ADAMTSL1: variants seen among roughly 807,000 people sequenced by gnomAD.
The protein encoded by ADAMTSL1 is ADAMTS like 1.
A neutral mutation model predicts 201.8 loss-of-function variants in ADAMTSL1; 126 were observed. The ratio of observed to expected loss-of-function variants is 0.62; its 90% CI spans 0.54 to 0.72. ADAMTSL1 has a LOEUF of 0.72. Ranked by LOEUF, ADAMTSL1 falls within the 30% of genes least tolerant of loss-of-function variation. The pLI is 0.00. For missense variants in ADAMTSL1, 2,679 were observed against 2,277.8 expected, an observed-to-expected ratio of 1.18 and a Z score of -3.59; for synonymous variants, 1,121 against 903.4, an observed-to-expected ratio of 1.24 and a Z score of -4.32.
chr9:18,206,142 C>A (rs1036219374), intron 2 of ADAMTSL1, among the ~76,000 whole-genome samples: 9 of 139,132 alleles, frequency 6.5e-5, no homozygotes, highest in African/African-American at 2.4e-4. Flanking sequence ...TTTATGTTAT[C>A]TTATTTTTCA....
chr9:18,351,103 C>T (rs1274124108), intron 2 of ADAMTSL1, among the ~76,000 whole-genome samples: 1 of 151,906 alleles, frequency 6.6e-6, no homozygotes, highest in Non-Finnish European at 1.5e-5. Context: ...AATAATCTGC[C>T]TGCCTAAACA....
intron 26 of ADAMTSL1, among the ~76,000 whole-genome samples, chr9:18,902,138 T>C (rs1830049445): frequency 6.6e-6 from 1 of 152,168 alleles, no homozygotes; most frequent in South Asian, 2.1e-4. Flanking sequence ...ACAGAATTGA[T>C]GGGAGAAATA....
At chr9:18,617,122 C>T (rs1336172084) in intron 4 of ADAMTSL1, among the ~76,000 whole-genome samples, 1 of 152,228 alleles carries the variant, frequency 6.6e-6, no homozygotes, top group African/African-American at 2.4e-5. Context: ...AAAAGCTTGA[C>T]ATCACTGGCT....
chr9:18,400,841 G>C (rs969652225), intron 2 of ADAMTSL1, among the ~76,000 whole-genome samples: 2 of 152,130 alleles, frequency 1.3e-5, no homozygotes, highest in African/African-American at 2.4e-5. Flanking sequence ...ATGACATTAG[G>C]TGATTCAATA....
intron 2 of ADAMTSL1, among the ~76,000 whole-genome samples, chr9:18,332,944 G>A (rs570540816): frequency 6.6e-6 from 1 of 152,230 alleles, no homozygotes; most frequent in African/African-American, 2.4e-5. Flanking sequence ...TCATCTGTAA[G>A]CGTATGAGGA....
At chr9:18,340,620 C>A (rs750551466) in intron 2 of ADAMTSL1, among the ~76,000 whole-genome samples, 1 of 152,062 alleles carries the variant, frequency 6.6e-6, no homozygotes, top group Non-Finnish European at 1.5e-5. Context: ...GTGGGAGGGA[C>A]CAGGTGGGAG....
intron 3 of ADAMTSL1, among the ~76,000 whole-genome samples, chr9:18,538,656 T>A (rs1819943623): frequency 1.3e-5 from 2 of 152,208 alleles, no homozygotes; most frequent in African/African-American, 4.8e-5. Context: ...TCATCCTTGC[T>A]GTACAATTGA....
intron 4 of ADAMTSL1, among the ~76,000 whole-genome samples, chr9:18,604,296 C>G (rs28736826): frequency 0.12 from 17,831 of 152,200 alleles, 1,218 homozygotes; most frequent in Non-Finnish European, 0.16. Context: ...GTTATTAGCA[C>G]AAAGCAAGGA....
At chr9:18,815,464 C>T (rs1255305645) in intron 20 of ADAMTSL1, among the ~76,000 whole-genome samples, 1 of 150,744 alleles carries the variant, frequency 6.6e-6, no homozygotes, top group Non-Finnish European at 1.5e-5. Context: ...GTGGGTGGAT[C>T]GCTTGAGCCC....
chr9:18,192,495 A>G (rs866165683), intron 2 of ADAMTSL1, among the ~76,000 whole-genome samples: 18 of 152,300 alleles, frequency 1.2e-4, no homozygotes, highest in African/African-American at 4.3e-4. Flanking sequence ...TGAGTGGAGT[A>G]TTAAGCTTGC....
intron 2 of ADAMTSL1, among the ~76,000 whole-genome samples, chr9:18,259,231 A>G (rs1006456391): frequency 6.6e-6 from 1 of 152,210 alleles, no homozygotes; most frequent in Non-Finnish European, 1.5e-5. Context: ...TGAAAGGCCC[A>G]TATAGCCAAC....
rs148987552 is a variant in ADAMTSL1 at position 18,044,538 on chromosome 9, A to G, written c.88-119324A>G. ...AGGGAAATACTAATAATCTACTCAG[A>G]TGATTGGATTGGCTTTTTATTTCTC... On this transcript the variant is annotated intron_variant, in intron 1 of 29. Coordinates refer to the ADAMTSL1 transcript ENST00000680146. Among the ~76,000 whole-genome samples, 398 of 152,192 alleles carry G rather than the reference A, an allele frequency of 2.6e-3. 1 individual carries two copies. The highest frequency in any genetic ancestry group is 9.2e-3 in the African/African-American group (382 of 41,540).
At chr9:18,474,345 G>A (rs1220337940) in intron 1 of ADAMTSL1, 50 bp downstream of exon 1, 1 of 1,584,560 alleles carries the variant, frequency 6.3e-7, no homozygotes, top group Non-Finnish European at 8.7e-7. Flanking sequence ...GAGTCTGGGT[G>A]CTGTTGGGGG....
chr9:18,195,113 A>C (rs1829123425), intron 2 of ADAMTSL1, among the ~76,000 whole-genome samples: 1 of 152,118 alleles, frequency 6.6e-6, no homozygotes, highest in South Asian at 2.1e-4. Context: ...CACTCAATAA[A>C]TGTTGGCTGT....
At chr9:17,989,593 T>G (rs1350650727) in intron 1 of ADAMTSL1, among the ~76,000 whole-genome samples, 1 of 152,058 alleles carries the variant, frequency 6.6e-6, no homozygotes, top group Non-Finnish European at 1.5e-5. Context: ...AAGCCTTTTT[T>G]GAAATAATTT....
intron 9 of ADAMTSL1, among the ~76,000 whole-genome samples, chr9:18,663,697 C>T (rs1458574854): frequency 1.3e-5 from 2 of 150,772 alleles, no homozygotes; most frequent in Admixed American, 6.7e-5. Context: ...CTTCCCACAA[C>T]TTCATAAAGC....
At chr9:18,491,684 A>G (rs960361759) in intron 1 of ADAMTSL1, among the ~76,000 whole-genome samples, 3 of 152,206 alleles carry the variant, frequency 2.0e-5, no homozygotes, top group Non-Finnish European at 2.9e-5. Context: ...CAATATCTGG[A>G]TTATATTTTT....
chr9:18,910,266 T>C lies in ADAMTSL1; in HGVS notation c.*1718T>C, dbSNP rs1421361862. ...ATGTTACTAAAAAATCAGTGTAAAG[T>C]CTGTTTAAAATAAAAAAGAATGTTT... On this transcript the variant is annotated 3_prime_UTR_variant, in exon 29 of 29. Coordinates refer to ENST00000380548, the MANE Select transcript of ADAMTSL1 (RefSeq NM_001040272.6). 6.6e-6 allele frequency: 1 copy of C among 152,092 alleles called. No individual in the cohort carries two copies. The highest frequency in any genetic ancestry group is 1.5e-5 in the Non-Finnish European group (1 of 68,022). The allele number at this position is 152,092 out of a possible 1,614,324, so 9.4% of individuals were successfully genotyped here. A position where few individuals can be genotyped will look rare whatever the true frequency, so the allele number is the denominator to read the frequency against.
chr9:18,890,716 C>A, intron 25 of ADAMTSL1: 1 of 374,214 alleles, frequency 2.7e-6, no homozygotes, highest in Non-Finnish European at 5.4e-6. Flanking sequence ...CCGCTCCTTT[C>A]TCAAACCCCC....
Sources: allele counts gnomAD v4.1 joint callset (sites outside exome capture counted in the v4.1 genomes callset), GRCh38; gene constraint gnomAD v4.1.1; transcripts MANE v1.5; gene names NCBI Gene and HGNC (gene_info 2026-07-23, HGNC 2026-07-21).